PPM1E: variants seen among roughly 807,000 people sequenced by gnomAD.
The protein encoded by PPM1E is protein phosphatase, Mg2+/Mn2+ dependent 1E.
Under a neutral mutation model 65.9 loss-of-function variants are expected in PPM1E, and 20 were observed. That is an observed-to-expected ratio of 0.30 (90% CI 0.21 to 0.44). The LOEUF is 0.44. Ranked by LOEUF, PPM1E falls within the 20% of genes least tolerant of loss-of-function variation. The pLI is 1.00. For missense variants in PPM1E, 713 were observed against 953.1 expected (o/e 0.75, Z 3.32); for synonymous variants, 352 against 374.9 (o/e 0.94, Z 0.70).
At chr17:58,927,201 A>C (rs1004389372) in intron 1 of PPM1E, among the ~76,000 whole-genome samples, 4 of 137,372 alleles carry the variant, frequency 2.9e-5, no homozygotes, top group Non-Finnish European at 6.0e-5. Flanking sequence ...GTCTCGGCTC[A>C]CTGCAAGCTC....
At chr17:58,979,933 A>G (rs2031265773) in intron 6 of PPM1E, 41 bp from the exon 7 acceptor site, 7 of 1,516,548 alleles carry the variant, frequency 4.6e-6, no homozygotes, top group Non-Finnish European at 6.3e-6. Context: ...ATGCAAGGTA[A>G]AACAAATGCT....
intron 1 of PPM1E, among the ~76,000 whole-genome samples, chr17:58,816,775 TATATATATATATATA>T (rs1567842196): frequency 5.1e-4 from 9 of 17,692 alleles, no homozygotes; most frequent in East Asian, 1.5e-3. Context: ...TATATATATA[TATATATATATATATA>T]TATATTTTTT....
At chr17:58,965,935 A>G in intron 3 of PPM1E, 42 bp downstream of exon 3, 1 of 1,564,670 alleles carries the variant, frequency 6.4e-7, no homozygotes, top group Non-Finnish European at 8.8e-7. Flanking sequence ...TTTAAAGACA[A>G]AACAAACACC....
chr17:58,977,709 C>A (rs1259386206), intron 6 of PPM1E, among the ~76,000 whole-genome samples: 2 of 152,068 alleles, frequency 1.3e-5, no homozygotes, highest in African/African-American at 4.8e-5. Flanking sequence ...AGCTTTCTAG[C>A]CTATTTGAGG....
At chr17:58,841,418 T>A (rs188749589) in intron 1 of PPM1E, among the ~76,000 whole-genome samples, 29 of 152,290 alleles carry the variant, frequency 1.9e-4, no homozygotes, top group South Asian at 1.2e-3. Flanking sequence ...CATGTTGATA[T>A]CATATATACC....
intron 1 of PPM1E, among the ~76,000 whole-genome samples, chr17:58,859,083 A>G (rs145252086): frequency 1.3e-5 from 2 of 152,346 alleles, no homozygotes; most frequent in African/African-American, 4.8e-5. Flanking sequence ...TTAGTGTTCC[A>G]AAGTGGGAAA....
chr17:58,949,952 G>A (rs2052213627), intron 1 of PPM1E, among the ~76,000 whole-genome samples: 1 of 152,052 alleles, frequency 6.6e-6, no homozygotes, highest in South Asian at 2.1e-4. Flanking sequence ...CCTGGCCTGT[G>A]AAGTTTCTGC....
intron 1 of PPM1E, among the ~76,000 whole-genome samples, chr17:58,777,172 A>G (rs2050002049): frequency 6.6e-6 from 1 of 152,132 alleles, no homozygotes; most frequent in South Asian, 2.1e-4. Context: ...GCTGCAGTGA[A>G]CCATTCAACC....
intron 1 of PPM1E, among the ~76,000 whole-genome samples, chr17:58,827,718 T>C (rs2050554036): frequency 3.3e-5 from 5 of 149,668 alleles, no homozygotes; most frequent in Admixed American, 2.0e-4. Context: ...CTGGCTAACA[T>C]GGTGAAACCC....
intron 1 of PPM1E, among the ~76,000 whole-genome samples, chr17:58,943,650 C>T (rs1436205159): frequency 7.2e-5 from 11 of 152,052 alleles, no homozygotes; most frequent in African/African-American, 2.7e-4. Flanking sequence ...AGCATGAGTT[C>T]ATATTTAACT....
chr17:58,895,815 A>T (rs1225128603), intron 1 of PPM1E, among the ~76,000 whole-genome samples: 2 of 151,568 alleles, frequency 1.3e-5, no homozygotes, highest in Non-Finnish European at 2.9e-5. Flanking sequence ...GTCTCAAAAA[A>T]GAAAAGGAGG....
At chr17:58,827,474 T>C (rs115904084) in intron 1 of PPM1E, among the ~76,000 whole-genome samples, 75 of 151,768 alleles carry the variant, frequency 4.9e-4, no homozygotes, top group African/African-American at 1.8e-3. Flanking sequence ...CCAAAATCCA[T>C]GATCTTATAC....
intron 1 of PPM1E, among the ~76,000 whole-genome samples, chr17:58,830,292 G>GTTGTTATTATTATTATTA (rs1555612724): frequency 8.9e-4 from 130 of 146,826 alleles, no homozygotes; most frequent in Non-Finnish European, 5.8e-4. Context: ...TGTTGTTGTT[G>GTTGTTATTATTATTATTA]TTATTATTAT....
Position 58,925,366 on chromosome 17 carries a change from A to G in PPM1E, c.465-30283A>G, listed in dbSNP as rs966815427. The stretch of plus-strand genomic sequence containing the variant: ...CTTTTTTCATACCTTTTTTGGCCGC[A>G]TAAATGTCTTCCTTTGAGAAGTGTT... On this transcript the variant is annotated intron_variant, in intron 1 of 6. Coordinates refer to ENST00000308249, the MANE Select transcript of PPM1E (RefSeq NM_014906.5). Among the ~76,000 whole-genome samples, 6 of 151,950 alleles carry G rather than the reference A, an allele frequency of 3.9e-5. No homozygotes were observed. In the East Asian group the frequency reaches 1.2e-3, roughly 29 times the overall value.
intron 1 of PPM1E, among the ~76,000 whole-genome samples, chr17:58,811,805 G>A (rs761009154): frequency 1.1e-4 from 17 of 151,900 alleles, no homozygotes; most frequent in Non-Finnish European, 2.5e-4. Flanking sequence ...CGAGTAGCTG[G>A]GACTATAGGC....
rs149480358 is a variant in PPM1E, at chr17:58,976,485, G to A, written c.1211-3489G>A. On this transcript the variant is annotated intron_variant, in intron 6 of 6. Transcript: ENST00000308249. The stretch of plus-strand genomic sequence containing the variant: ...AAAAGGACAAGAAAAAGGACTCCTG[G>A]GCAGAGTTCAGCTCTACTCAGGAAA... Among the ~76,000 whole-genome samples the A allele has an allele frequency of 1.1e-3, 174 of 152,246 alleles. 1 individual carries two copies. Among genetic ancestry groups the A allele is most frequent in the Admixed American group, 1.8e-3 (28 of 15,286 alleles).
intron 1 of PPM1E, among the ~76,000 whole-genome samples, chr17:58,821,402 G>A (rs1415230857): frequency 5.9e-5 from 9 of 152,236 alleles, no homozygotes; most frequent in East Asian, 1.9e-4. Flanking sequence ...GAGCCACCGC[G>A]CCCGGCCAGC....
rs142129453 is a variant in PPM1E at position 58,851,681 on chromosome 17, G to A, written c.464+95220G>A. Among the ~76,000 whole-genome samples the A allele has an allele frequency of 3.4e-3, 524 of 152,338 alleles. 6 individuals carry two copies. The highest frequency in any genetic ancestry group is 0.012 in the African/African-American group (514 of 41,588). ...GGGCACCTGGCTGTATGAGATGTCA[G>A]TTGGCCCCTACTGGGAGATGTCTCC... On this transcript the variant is annotated intron_variant, in intron 1 of 6. Transcript: ENST00000308249.
chr17:58,835,756 C>G (rs2050649802), intron 1 of PPM1E: 1 of 151,690 alleles, frequency 6.6e-6, no homozygotes, highest in African/African-American at 2.4e-5. Context: ...GCAGTCCCAG[C>G]TACTCAGGAG....
Sources: gnomAD v4.1 joint callset for allele counts (sites outside exome capture counted in the v4.1 genomes callset) on GRCh38, gnomAD v4.1.1 for gene constraint, MANE v1.5 for transcripts, NCBI Gene and HGNC (gene_info 2026-07-23, HGNC 2026-07-21) for gene names.